UBE2M: variants seen among roughly 807,000 people sequenced by gnomAD.
The protein encoded by UBE2M is ubiquitin conjugating enzyme E2 M.
UBE2M carries 2 observed loss-of-function variants against 23.5 expected under a neutral mutation model. The observed-to-expected ratio is 0.09, with a 90% CI of 0.03 to 0.27. The LOEUF is 0.27. Ranked by LOEUF, UBE2M falls within the 10% of genes least tolerant of loss-of-function variation. UBE2M has a pLI of 1.00. For synonymous variants in UBE2M, 97 were observed against 95.2 expected (o/e 1.02, Z -0.11); for missense variants, 103 against 232.9 (o/e 0.44, Z 3.63).
rs1399331241 is a variant in UBE2M, at chr19:58,558,237, G to A, written c.109+36C>T. On this transcript the variant is annotated intron_variant, in intron 1 of 5. Coordinates refer to ENST00000253023, the MANE Select transcript of UBE2M (RefSeq NM_003969.4). The surrounding 1 kb of genome is among the most constrained non-coding windows in gnomAD (Gnocchi z 4.7). ...CACCCTGCCTCAGGCCCTGACCTCC[G>A]ACCTCCGGCTCCAACCCCATCCCCT... 4 of 1,573,610 alleles carry A rather than the reference G, an allele frequency of 2.5e-6. No homozygotes were observed. The highest frequency in any genetic ancestry group is 1.7e-5 in the Admixed American group (1 of 57,222).
chr19:58,555,995 G>A lies in UBE2M; in HGVS notation c.*94C>T, dbSNP rs989035164. 6.7e-6 allele frequency: 10 copies of A among 1,492,320 alleles called. No individual in the cohort carries two copies. The highest frequency in any genetic ancestry group is 2.8e-5 in the African/African-American group (2 of 71,504). 92.4% of individuals were successfully genotyped at this position (1,492,320 alleles called of 1,614,324 possible). On this transcript the variant is annotated 3_prime_UTR_variant, in exon 6 of 6. Transcript: ENST00000253023. ...GGCCAAGGCAGGGGATTCCCCCACC[G>A]GCCGCCCCCCAAACCCCTACCCATG...
rs2053891359 is a variant in UBE2M at position 58,556,471 on chromosome 19, G to A, written c.348-92C>T. On this transcript the variant is annotated intron_variant, in intron 4 of 5. Coordinates refer to ENST00000253023, the MANE Select transcript of UBE2M (RefSeq NM_003969.4). The surrounding 1 kb of genome is among the most constrained non-coding windows in gnomAD (Gnocchi z 4.9). ...TGGGCAGGTCAGATCCAGGGCATAG[G>A]AGAGTGAGCATGTGAGAGGCTGGGA... 5 of 1,399,572 alleles carry A rather than the reference G, an allele frequency of 3.6e-6. No individual in the cohort carries two copies. The highest frequency in any genetic ancestry group is 5.0e-6 in the Non-Finnish European group (5 of 1,001,220). The allele number at this position is 1,399,572 out of a possible 1,614,324, so 86.7% of individuals were successfully genotyped here. A position where few individuals can be genotyped will look rare whatever the true frequency, so the allele number is the denominator to read the frequency against.
In UBE2M at chr19:58,555,864, T is replaced by G; in HGVS notation, c.*225A>C. The G allele has an allele frequency of 1.7e-6, 1 of 599,528 alleles. No individual in the cohort carries two copies. The highest frequency in any genetic ancestry group is 2.9e-6 in the Non-Finnish European group (1 of 345,778). 37.1% of individuals were successfully genotyped at this position (599,528 alleles called of 1,614,324 possible). ...CCAGCAGGGGGGCTAGACAAGCCAA[T>G]TCATTTCCCATCGCTGAGTGGGTCG... On this transcript the variant is annotated 3_prime_UTR_variant, in exon 6 of 6. Transcript: ENST00000253023.
chr19:58,556,258 ACAGGC>A lies in UBE2M; in HGVS notation c.412-34_412-30del. ...TGGCCAGTACAGGTAGGGGGGGTCA[ACAGGC>A]CAGAGGGACAGAAGGCCAATCTCCC... On this transcript the variant is annotated intron_variant, in intron 5 of 5. Coordinates refer to ENST00000253023, the MANE Select transcript of UBE2M (RefSeq NM_003969.4). The surrounding 1 kb of genome is among the most constrained non-coding windows in gnomAD (Gnocchi z 4.9). 1 of 1,613,894 alleles carries A rather than the reference ACAGGC, an allele frequency of 6.2e-7. No individual in the cohort carries two copies. The highest frequency in any genetic ancestry group is 1.1e-5 in the South Asian group (1 of 91,088).
In UBE2M at chr19:58,556,952, G is replaced by T. The variant is rs1310447112; in HGVS notation, c.205-22C>A. ...AGCCCTGGGAGGAAAAGGGGGAGAA[G>T]AAAATTTTAGGGTTCCATCCTGTGG... On this transcript the variant is annotated intron_variant, in intron 2 of 5. Coordinates refer to ENST00000253023, the MANE Select transcript of UBE2M (RefSeq NM_003969.4). The surrounding 1 kb of genome is among the most constrained non-coding windows in gnomAD (Gnocchi z 4.9). The T allele has an allele frequency of 1.2e-6, 2 of 1,614,018 alleles. No homozygotes were observed. Among genetic ancestry groups the T allele is most frequent in the Admixed American group, 1.7e-5 (1 of 60,020 alleles).
chr19:58,558,265 C>A lies in UBE2M; in HGVS notation c.109+8G>T, dbSNP rs765856505. 5.6e-6 allele frequency: 9 copies of A among 1,600,004 alleles called. No individual in the cohort carries two copies. The highest frequency in any genetic ancestry group is 3.3e-5 in the South Asian group (3 of 89,748). ...CTCCGGCTCCAACCCCATCCCCTGA[C>A]CCCCTACCCTTCTGGATCCGCAGCT... On this transcript the variant is annotated splice_region_variant and intron_variant, in intron 1 of 5. Transcript: ENST00000253023. The surrounding 1 kb of genome is among the most constrained non-coding windows in gnomAD (Gnocchi z 4.7).
chr19:58,557,717 C>A (rs1339534767), intron 1 of UBE2M, among the ~76,000 whole-genome samples: 3 of 150,798 alleles, frequency 2.0e-5, no homozygotes, highest in Non-Finnish European at 4.4e-5. Context: ...AATTTCCCCT[C>A]ACCCCTGTCT....
chr19:58,556,578 A>G lies in UBE2M; in HGVS notation c.347+109T>C, dbSNP rs56400675. On this transcript the variant is annotated intron_variant, in intron 4 of 5. Transcript: ENST00000253023. The surrounding 1 kb of genome is among the most constrained non-coding windows in gnomAD (Gnocchi z 4.9). ...GATGACTGGGAAATCAAGAAACCAC[A>G]GACAACAAAGGGGTGGGAAGGGACA... 1.4e-5 allele frequency: 16 copies of G among 1,165,128 alleles called. No individual in the cohort carries two copies. Among genetic ancestry groups the G allele is most frequent in the Non-Finnish European group, 1.9e-5 (16 of 829,172 alleles). 72.2% of individuals were successfully genotyped at this position (1,165,128 alleles called of 1,614,324 possible). A position where few individuals can be genotyped will look rare whatever the true frequency, so the allele number is the denominator to read the frequency against.
intron 1 of UBE2M, among the ~76,000 whole-genome samples, chr19:58,557,950 C>A (rs550816205): frequency 1.3e-5 from 2 of 152,066 alleles, no homozygotes; most frequent in East Asian, 3.9e-4. Flanking sequence ...TCACCCCAAA[C>A]CCAAGTTCCC....
Position 58,558,553 on chromosome 19 carries a change from C to T in UBE2M, c.-172G>A. 1 of 180,072 alleles carries T rather than the reference C, an allele frequency of 5.6e-6. No homozygotes were observed. The highest frequency in any genetic ancestry group is 1.1e-5 in the Non-Finnish European group (1 of 93,372). 11.2% of individuals were successfully genotyped at this position (180,072 alleles called of 1,614,324 possible). A position where few individuals can be genotyped will look rare whatever the true frequency, so the allele number is the denominator to read the frequency against. On this transcript the variant is annotated 5_prime_UTR_variant, in exon 1 of 6. Transcript: ENST00000253023. The surrounding 1 kb of genome is among the most constrained non-coding windows in gnomAD (Gnocchi z 4.7). ...CCGCTCCGCTCCTCTCCGCGCCCAC[C>T]GCGCGGCCCGCCTCGGCTCCCGTAG...
chr19:58,556,433 G>A lies in UBE2M; in HGVS notation c.348-54C>T, dbSNP rs2053891160. On this transcript the variant is annotated intron_variant, in intron 4 of 5. Transcript: ENST00000253023. This position sits in a 1 kb window ranked among gnomAD's most constrained non-coding sequence, Gnocchi z 4.9. ...CTTGGTGAGTGGGAGACTGCCACAG[G>A]CCCCTCTGGTGTTGGGCAGGTCAGA... The A allele has an allele frequency of 3.2e-6, 5 of 1,584,090 alleles. No homozygotes were observed. The Middle Eastern group carries it at 6.4e-4, about 202-fold the overall frequency.
Position 58,556,271 on chromosome 19 carries a change from A to G in UBE2M, c.412-42T>C. On this transcript the variant is annotated intron_variant, in intron 5 of 5. Coordinates refer to ENST00000253023, the MANE Select transcript of UBE2M (RefSeq NM_003969.4). The surrounding 1 kb of genome is among the most constrained non-coding windows in gnomAD (Gnocchi z 4.9). ...TAGGGGGGGTCAACAGGCCAGAGGG[A>G]CAGAAGGCCAATCTCCCCAGACCCA... The G allele has an allele frequency of 6.2e-7, 1 of 1,613,878 alleles. No homozygotes were observed. Among genetic ancestry groups the G allele is most frequent in the South Asian group, 1.1e-5 (1 of 91,072 alleles).
In UBE2M at chr19:58,558,180, G is replaced by T; in HGVS notation, c.109+93C>A. On this transcript the variant is annotated intron_variant, in intron 1 of 5. Coordinates refer to ENST00000253023, the MANE Select transcript of UBE2M (RefSeq NM_003969.4). The surrounding 1 kb of genome is among the most constrained non-coding windows in gnomAD (Gnocchi z 4.7). ...CGGGGCCCTTCACCTCTGACCCTCAGCAACCGCATTACCCCTTCCTGACTC... is the reference window on the plus strand; with the variant it reads ...CGGGGCCCTTCACCTCTGACCCTCATCAACCGCATTACCCCTTCCTGACTC... 9.0e-7 allele frequency: 1 copy of T among 1,113,840 alleles called. No homozygotes were observed. The allele number at this position is 1,113,840 out of a possible 1,614,324, so 69.0% of individuals were successfully genotyped here. A position where few individuals can be genotyped will look rare whatever the true frequency, so the allele number is the denominator to read the frequency against.
At position 58,555,940 on chromosome 19, in the gene UBE2M, C is replaced by G. The variant is rs2053886944; in HGVS notation, c.*149G>C. 15 of 1,093,806 alleles carry G rather than the reference C, an allele frequency of 1.4e-5. No individual in the cohort carries two copies. In the South Asian group the frequency reaches 2.5e-4, roughly 18 times the overall value. The allele number at this position is 1,093,806 out of a possible 1,614,324, so 67.8% of individuals were successfully genotyped here. Reference sequence around the variant, plus strand: ...CATGGTGTTAAAAAAAAAAAAATAACTAGGGGCACGTGGCAGGAAGGGGAG... The same window carrying G: ...CATGGTGTTAAAAAAAAAAAAATAAGTAGGGGCACGTGGCAGGAAGGGGAG... On this transcript the variant is annotated 3_prime_UTR_variant, in exon 6 of 6. Transcript: ENST00000253023.
chr19:58,558,163 T>G lies in UBE2M; in HGVS notation c.109+110A>C. 19 of 780,172 alleles carry G rather than the reference T, an allele frequency of 2.4e-5. No individual in the cohort carries two copies. Among genetic ancestry groups the G allele is most frequent in the East Asian group, 2.3e-4 (4 of 17,774 alleles). The allele number at this position is 780,172 out of a possible 1,614,324, so 48.3% of individuals were successfully genotyped here. ...CCGACCCCCCCCACGCTCGGGGCCCTTCACCTCTGACCCTCAGCAACCGCA... is the reference window on the plus strand; with the variant it reads ...CCGACCCCCCCCACGCTCGGGGCCCGTCACCTCTGACCCTCAGCAACCGCA... On this transcript the variant is annotated intron_variant, in intron 1 of 5. Coordinates refer to ENST00000253023, the MANE Select transcript of UBE2M (RefSeq NM_003969.4). This position sits in a 1 kb window ranked among gnomAD's most constrained non-coding sequence, Gnocchi z 4.7.
Position 58,557,077 on chromosome 19 carries a change from T to A in UBE2M, c.190A>T (p.Ile64Phe). Reference protein sequence around the residue: ...PDDLLNFKLVICPDEGFYKSG... With the variant: ...PDDLLNFKLVFCPDEGFYKSG... ...TGCACCCTCACCTCATCAGGACAGA[T>A]GACCAGCTTGAAGTTGAGGAGGTCG... The change falls in exon 2 of 6, where the codon ATC becomes TTC. Residue 64 changes from isoleucine to phenylalanine, a missense_variant. Physicochemically the swap from Ile to Phe is conservative, Grantham distance 21 (BLOSUM62 0). Transcript: ENST00000253023. 1 of 1,614,044 alleles carries A rather than the reference T, an allele frequency of 6.2e-7. No homozygotes were observed. The highest frequency in any genetic ancestry group is 2.2e-5 in the East Asian group (1 of 44,872).
In UBE2M at chr19:58,556,081, C is replaced by A. The variant is rs750771059; in HGVS notation, c.*8G>T. 1.2e-6 allele frequency: 2 copies of A among 1,601,932 alleles called. No homozygotes were observed. The highest frequency in any genetic ancestry group is 1.7e-6 in the Non-Finnish European group (2 of 1,172,768). Reference sequence around the variant, plus strand: ...TGTGGCCGTGGCGGGGGTGGGTATGCGCCAACCCTATTTCAGGCAGCGCTC... The same window carrying A: ...TGTGGCCGTGGCGGGGGTGGGTATGAGCCAACCCTATTTCAGGCAGCGCTC... On this transcript the variant is annotated 3_prime_UTR_variant, in exon 6 of 6. Transcript: ENST00000253023. The surrounding 1 kb of genome is among the most constrained non-coding windows in gnomAD (Gnocchi z 4.9).
rs188795607 is a variant in UBE2M, at chr19:58,558,168, C to A, written c.109+105G>T. On this transcript the variant is annotated intron_variant, in intron 1 of 5. Transcript: ENST00000253023. The surrounding 1 kb of genome is among the most constrained non-coding windows in gnomAD (Gnocchi z 4.7). Reference sequence around the variant, plus strand: ...CCCCCCCACGCTCGGGGCCCTTCACCTCTGACCCTCAGCAACCGCATTACC... The same window carrying A: ...CCCCCCCACGCTCGGGGCCCTTCACATCTGACCCTCAGCAACCGCATTACC... 9.5e-3 allele frequency: 9,432 copies of A among 996,680 alleles called. 61 individuals are homozygous for A. The highest frequency in any genetic ancestry group is 0.011 in the Non-Finnish European group (7,877 of 686,756). 61.7% of individuals were successfully genotyped at this position (996,680 alleles called of 1,614,324 possible). A position where few individuals can be genotyped will look rare whatever the true frequency, so the allele number is the denominator to read the frequency against.
At chr19:58,557,280 C>T (rs988100520) in intron 1 of UBE2M, 123 bp from the exon 2 acceptor site, 3 of 944,652 alleles carry the variant, frequency 3.2e-6, no homozygotes, top group South Asian at 1.4e-5. Context: ...CCTCCTGGAC[C>T]CCCAGGCGCC....
Sources: allele counts gnomAD v4.1 joint callset (sites outside exome capture counted in the v4.1 genomes callset), GRCh38; gene constraint gnomAD v4.1.1; non-coding constraint Gnocchi (gnomAD v3.1); transcripts MANE v1.5; gene names NCBI Gene and HGNC (gene_info 2026-07-23, HGNC 2026-07-21).